The following FYB1 variants were observed in gnomAD, a reference collection of about 807,000 sequenced individuals.
FYB1 encodes the protein FYN binding protein 1, also known as FYN-binding protein 1.
FYB1 carries 41 observed loss-of-function variants against 94.1 expected under a neutral mutation model. The ratio of observed to expected loss-of-function variants is 0.44; its 90% CI spans 0.34 to 0.57. The LOEUF (loss-of-function observed/expected upper bound fraction) is 0.57, where lower values mean the gene tolerates loss of function less well. FYB1 is among the 20% of genes least tolerant of loss of function. FYB1 has a pLI of 0.02. For missense variants in FYB1, 1,050 were observed against 976.8 expected (o/e 1.07, Z -1.00); for synonymous variants, 367 against 353.2 (o/e 1.04, Z -0.44).
At chr5:39,128,711 AGTTTATTGACTCTCAAGCTAGT>A (rs1349218199) in intron 10 of FYB1, among the ~76,000 whole-genome samples, 1 of 152,106 alleles carries the variant, frequency 6.6e-6, no homozygotes, top group Non-Finnish European at 1.5e-5. Context: ...TCTAGAATCC[AGTTTATTGACTCTCAAGCTAGT>A]GTTCTTTCCA....
chr5:39,150,284 A>G (rs752440007), intron 3 of FYB1, among the ~76,000 whole-genome samples: 1 of 152,164 alleles, frequency 6.6e-6, no homozygotes, highest in Non-Finnish European at 1.5e-5. Context: ...GCTCTGTTTT[A>G]ATCTTTACAG....
At position 39,127,725 on chromosome 5, in the gene FYB1, C is replaced by T. The variant is rs1172932173; in HGVS notation, c.1907+16G>A. On this transcript the variant is annotated intron_variant, in intron 11 of 18. Coordinates refer to ENST00000512982, the MANE Select transcript of FYB1 (RefSeq NM_001465.6). Reference sequence around the variant, plus strand: ...ATATAATAATTTGCAAAAAGCAGTTCACTGATTATTCTTACCCATCATCAG... The same window carrying T: ...ATATAATAATTTGCAAAAAGCAGTTTACTGATTATTCTTACCCATCATCAG... 6.3e-7 allele frequency: 1 copy of T among 1,584,038 alleles called. No individual in the cohort carries two copies. The highest frequency in any genetic ancestry group is 8.6e-7 in the Non-Finnish European group (1 of 1,168,248).
chr5:39,265,266 G>A (rs543197594), intron 1 of FYB1, among the ~76,000 whole-genome samples: 141 of 152,252 alleles, frequency 9.3e-4, no homozygotes, highest in Non-Finnish European at 1.3e-3. Context: ...TGGATCATGA[G>A]GTCAGGAGAT....
chr5:39,128,522 A>G (rs746088564), intron 10 of FYB1, among the ~76,000 whole-genome samples: 5 of 152,122 alleles, frequency 3.3e-5, no homozygotes, highest in Admixed American at 1.3e-4. Flanking sequence ...AGGTGACTAG[A>G]TAGGTTATCA....
At position 39,113,713 on chromosome 5, in the gene FYB1, G is replaced by T. The variant is rs1340567316; in HGVS notation, c.2402-3324C>A. Among the ~76,000 whole-genome samples, 6 of 151,098 alleles carry T rather than the reference G, an allele frequency of 4.0e-5. No homozygotes were observed. The East Asian group carries it at 1.2e-3, about 29-fold the overall frequency. On this transcript the variant is annotated intron_variant, in intron 16 of 18. Coordinates refer to ENST00000512982, the MANE Select transcript of FYB1 (RefSeq NM_001465.6). Reference sequence around the variant, plus strand: ...AACATACTATTTCATCATTTCATTTGTTGTGGGTAAATCCAGAAATAAAAT... The same window carrying T: ...AACATACTATTTCATCATTTCATTTTTTGTGGGTAAATCCAGAAATAAAAT...
At chr5:39,193,900 C>T (rs760717729) in intron 2 of FYB1, among the ~76,000 whole-genome samples, 4 of 152,160 alleles carry the variant, frequency 2.6e-5, no homozygotes, top group Non-Finnish European at 4.4e-5. Context: ...GAACTCAAAT[C>T]GCAATTCTGA....
intron 4 of FYB1, 115 bp downstream of exon 4, chr5:39,140,980 C>T: frequency 1.4e-6 from 1 of 709,568 alleles, no homozygotes; most frequent in Non-Finnish European, 2.5e-6. Flanking sequence ...ACGAGAGGGG[C>T]CTTGCACAGA....
At position 39,119,048 on chromosome 5, in the gene FYB1, A is replaced by G. The variant is rs1427647937; in HGVS notation, c.2239-12T>C. On this transcript the variant is annotated splice_polypyrimidine_tract_variant and intron_variant, in intron 15 of 18. Transcript: ENST00000512982. ...ATTTCACCATCATACTAAAAAAAAA[A>G]GAACAATATTTAAATTATTGGTTTA... 1.7e-6 allele frequency: 2 copies of G among 1,210,396 alleles called. No homozygotes were observed. The highest frequency in any genetic ancestry group is 3.1e-5 in the Admixed American group (1 of 32,376). The allele number at this position is 1,210,396 out of a possible 1,614,324, so 75.0% of individuals were successfully genotyped here.
At chr5:39,153,360 CA>C in intron 3 of FYB1, 87 bp downstream of exon 3, 1 of 1,510,250 alleles carries the variant, frequency 6.6e-7, no homozygotes, top group Non-Finnish European at 9.2e-7. Context: ...AGAAGTTTCC[CA>C]TGGAACTCTC....
intron 2 of FYB1, among the ~76,000 whole-genome samples, chr5:39,162,167 A>G (rs1744308040): frequency 6.6e-6 from 1 of 152,080 alleles, no homozygotes; most frequent in East Asian, 1.9e-4. Flanking sequence ...CTTCGTGTGG[A>G]CCTATGTTTT....
intron 2 of FYB1, among the ~76,000 whole-genome samples, chr5:39,166,223 G>A (rs958113421): frequency 1.3e-5 from 2 of 152,058 alleles, no homozygotes; most frequent in Non-Finnish European, 2.9e-5. Context: ...GATCACCTGA[G>A]GTCAGGAGTT....
At chr5:39,247,401 T>C (rs1421900406) in intron 1 of FYB1, among the ~76,000 whole-genome samples, 1 of 152,032 alleles carries the variant, frequency 6.6e-6, no homozygotes. Context: ...ATAAAATCTT[T>C]AGTACGTATG....
chr5:39,267,738 T>C (rs1752492523), intron 1 of FYB1, among the ~76,000 whole-genome samples: 1 of 152,250 alleles, frequency 6.6e-6, no homozygotes, highest in African/African-American at 2.4e-5. Context: ...AGAAATTCAC[T>C]TACTATGCCA....
chr5:39,141,867 G>T (rs1742216646), intron 3 of FYB1, among the ~76,000 whole-genome samples: 1 of 144,506 alleles, frequency 6.9e-6, no homozygotes, highest in Admixed American at 6.8e-5. Context: ...GTAAGATTCT[G>T]TCTCAGAAAA....
At chr5:39,241,605 T>C (rs1751208805) in intron 1 of FYB1, among the ~76,000 whole-genome samples, 1 of 152,162 alleles carries the variant, frequency 6.6e-6, no homozygotes, top group Non-Finnish European at 1.5e-5. Flanking sequence ...GGCACTACCC[T>C]ATTTCCTTAT....
upstream of FYB1, chr5:39,219,700 G>T: frequency 3.2e-6 from 2 of 624,444 alleles, no homozygotes; most frequent in South Asian, 1.4e-4. Context: ...GGAGGAGAAA[G>T]GGGAACTTAA....
intron 1 of FYB1, among the ~76,000 whole-genome samples, chr5:39,225,932 A>C (rs1750452713): frequency 6.6e-6 from 1 of 152,126 alleles, no homozygotes; most frequent in Admixed American, 6.6e-5. Context: ...TCAGCATGCA[A>C]GTGTGCACCA....
rs747966460 is a variant in FYB1, at chr5:39,126,128, G to A, written c.1915C>T (p.Leu639=). The stretch of plus-strand genomic sequence containing the variant: ...GTATTACTCTTCTCTTGAACCTGTA[G>A]TGTGGAGCTTTGGAGCATGCAGGCA... ...EEEDADDGST[L]QVQEKSNTWS... Residue 639 remains leucine (L), a synonymous_variant, in exon 12 of 19, where the codon CTA becomes TTA. Transcript: ENST00000512982. The A allele has an allele frequency of 8.1e-6, 13 of 1,613,174 alleles. No individual in the cohort carries two copies. In the South Asian group the frequency reaches 1.3e-4, roughly 16 times the overall value.
At chr5:39,120,694 A>G (rs1387931246) in intron 14 of FYB1, among the ~76,000 whole-genome samples, 1 of 152,158 alleles carries the variant, frequency 6.6e-6, no homozygotes, top group East Asian at 1.9e-4. Flanking sequence ...CATTTTAAAA[A>G]TTAGAATATA....
Sources: gnomAD v4.1 joint callset for allele counts (sites outside exome capture counted in the v4.1 genomes callset) on GRCh38, gnomAD v4.1.1 for gene constraint, MANE v1.5 for transcripts, NCBI Gene and HGNC (gene_info 2026-07-23, HGNC 2026-07-21) for gene names.